The following WWC2 variants were observed in gnomAD, a reference collection of about 807,000 sequenced individuals.
WWC2 encodes protein WWC2.
WWC2 carries 101 observed loss-of-function variants against 138.5 expected under a neutral mutation model. The ratio of observed to expected loss-of-function variants is 0.73; its 90% CI spans 0.62 to 0.86. WWC2 has a LOEUF of 0.86. Ranked by LOEUF, WWC2 falls within the 40% of genes least tolerant of loss-of-function variation. The pLI is 0.00. For missense variants in WWC2, 1,420 were observed against 1,419.4 expected (o/e 1.00, Z -0.01); for synonymous variants, 558 against 538.4 (o/e 1.04, Z -0.50).
chr4:183,286,118 T>A (rs55829316), intron 20 of WWC2, 59 bp downstream of exon 20: 89,886 of 1,459,878 alleles, frequency 0.062, 3,030 homozygotes, highest in South Asian at 0.09. Flanking sequence ...TTGTCACTTG[T>A]GCAGCACAAA....
chr4:183,291,108 G>A (rs1406675509), intron 21 of WWC2, among the ~76,000 whole-genome samples: 1 of 152,204 alleles, frequency 6.6e-6, no homozygotes, highest in African/African-American at 2.4e-5. Flanking sequence ...CCACAGCAGT[G>A]AATACAGGAT....
chr4:183,211,787 G>A (rs1167239977), intron 4 of WWC2, among the ~76,000 whole-genome samples: 6 of 151,612 alleles, frequency 4.0e-5, no homozygotes, highest in South Asian at 2.1e-4. Flanking sequence ...GAAACAGTGC[G>A]ATGTTTGGAT....
chr4:183,244,106 G>A lies in WWC2; in HGVS notation c.603-1310G>A, dbSNP rs547927622. 3.3e-5 allele frequency among the ~76,000 whole-genome samples: 5 copies of A among 152,068 alleles called. No individual in the cohort carries two copies. The South Asian group carries it at 1.0e-3, about 32-fold the overall frequency. ...GAGCCTGTTTTCCCCGATTCAGTAG[G>A]TACTATTTCTCTGGAGACTCTGGAT... On this transcript the variant is annotated intron_variant, in intron 5 of 22. Coordinates refer to ENST00000403733, the MANE Select transcript of WWC2 (RefSeq NM_024949.6).
At position 183,099,429 on chromosome 4, in the gene WWC2, G is replaced by C. The variant is rs1425489199; in HGVS notation, c.-63G>C. On this transcript the variant is annotated 5_prime_UTR_variant, in exon 1 of 23. Coordinates refer to ENST00000403733, the MANE Select transcript of WWC2 (RefSeq NM_024949.6). ...GTTGGCAGCCTAGCCCGGCAGCCGC[G>C]TTCCCGCCGCGTCCCGCGCCCGGTA... 1.7e-6 allele frequency: 2 copies of C among 1,193,680 alleles called. No homozygotes were observed. The highest frequency in any genetic ancestry group is 2.1e-6 in the Non-Finnish European group (2 of 958,356). The allele number at this position is 1,193,680 out of a possible 1,614,324, so 73.9% of individuals were successfully genotyped here. A position where few individuals can be genotyped will look rare whatever the true frequency, so the allele number is the denominator to read the frequency against.
intron 14 of WWC2, 97 bp from the exon 15 acceptor site, chr4:183,268,874 C>G (rs965282921): frequency 1.6e-6 from 2 of 1,262,216 alleles, no homozygotes; most frequent in Admixed American, 2.1e-5. Flanking sequence ...CTCCACGATC[C>G]CTCATTTTCT....
intron 21 of WWC2, among the ~76,000 whole-genome samples, chr4:183,295,175 A>G (rs1463492038): frequency 1.3e-5 from 2 of 152,082 alleles, no homozygotes; most frequent in African/African-American, 2.4e-5. Context: ...TTCCTCTCGA[A>G]CTCCTATGCT....
Position 183,117,135 on chromosome 4 carries a change from G to A in WWC2, c.131+17513G>A, listed in dbSNP as rs144527621. On this transcript the variant is annotated intron_variant, in intron 1 of 22. Transcript: ENST00000403733. ...ACTTCTGCATATCCCCTCCCTTTTC[G>A]AGACAAGTTGAACTGATCATGAAGG... Among the ~76,000 whole-genome samples the A allele has an allele frequency of 4.3e-4, 65 of 151,098 alleles. 1 individual carries two copies. The Middle Eastern group carries it at 0.017, about 41-fold the overall frequency.
chr4:183,275,058 A>T (rs1737805996), intron 16 of WWC2, among the ~76,000 whole-genome samples: 1 of 152,104 alleles, frequency 6.6e-6, no homozygotes, highest in African/African-American at 2.4e-5. Flanking sequence ...CCTGTTGAAT[A>T]ACCTTTCCCT....
intron 4 of WWC2, among the ~76,000 whole-genome samples, chr4:183,211,967 A>G (rs879363719): frequency 7.2e-5 from 11 of 151,858 alleles, no homozygotes; most frequent in Admixed American, 6.6e-4. Flanking sequence ...GACTACAGGC[A>G]CCTGCCACCA....
intron 4 of WWC2, among the ~76,000 whole-genome samples, chr4:183,228,005 T>C (rs1004049895): frequency 6.6e-6 from 1 of 151,908 alleles, no homozygotes; most frequent in Admixed American, 6.6e-5. Flanking sequence ...GATTAAATGC[T>C]CTAGTTAAAA....
chr4:183,111,643 C>T (rs1732234785), intron 1 of WWC2, among the ~76,000 whole-genome samples: 1 of 151,268 alleles, frequency 6.6e-6, no homozygotes, highest in African/African-American at 2.4e-5. Context: ...CTTTTCTTAT[C>T]TGCTGCTTAT....
At chr4:183,104,998 C>A (rs1231039368) in intron 1 of WWC2, among the ~76,000 whole-genome samples, 3 of 152,154 alleles carry the variant, frequency 2.0e-5, no homozygotes, top group Non-Finnish European at 4.4e-5. Context: ...CCTGTGCCTC[C>A]TGAGTTCAAG....
chr4:183,298,469 G>C (rs575386186), intron 21 of WWC2, among the ~76,000 whole-genome samples: 1 of 152,272 alleles, frequency 6.6e-6, no homozygotes, highest in South Asian at 2.1e-4. Flanking sequence ...ATAACAGCAA[G>C]GCCAGGAGAC....
intron 16 of WWC2, among the ~76,000 whole-genome samples, chr4:183,272,252 G>A (rs1737715895): frequency 6.6e-6 from 1 of 152,134 alleles, no homozygotes; most frequent in Admixed American, 6.5e-5. Flanking sequence ...GTAGTGGGTG[G>A]TGAAAGGGAA....
intron 7 of WWC2, among the ~76,000 whole-genome samples, chr4:183,249,631 AC>A (rs1407792192): frequency 6.6e-6 from 1 of 152,230 alleles, no homozygotes; most frequent in African/African-American, 2.4e-5. Context: ...ACTCTGAGAT[AC>A]CAGACACATT....
At chr4:183,242,064 G>T (rs1736640605) in intron 5 of WWC2, among the ~76,000 whole-genome samples, 1 of 152,096 alleles carries the variant, frequency 6.6e-6, no homozygotes, top group Admixed American at 6.6e-5. Context: ...CATTCTCTTG[G>T]AATGATTCTA....
rs1224060602 is a variant in WWC2 at position 183,207,939 on chromosome 4, C to G, written c.242-14C>G. 1 of 1,597,578 alleles carries G rather than the reference C, an allele frequency of 6.3e-7. No individual in the cohort carries two copies. Among genetic ancestry groups the G allele is most frequent in the African/African-American group, 1.3e-5 (1 of 74,236 alleles). On this transcript the variant is annotated splice_polypyrimidine_tract_variant and intron_variant, in intron 2 of 22. Coordinates refer to ENST00000403733, the MANE Select transcript of WWC2 (RefSeq NM_024949.6). ...GTTAAATTCTAAAAAGTACCCTCCA[C>G]CTAATGTTTTCAGAAACCACGCAGA...
chr4:183,286,404 G>A (rs1393944980), intron 20 of WWC2, among the ~76,000 whole-genome samples: 1 of 152,138 alleles, frequency 6.6e-6, no homozygotes, highest in African/African-American at 2.4e-5. Flanking sequence ...TTGAGCGATT[G>A]TGGGAAGGGG....
intron 1 of WWC2, among the ~76,000 whole-genome samples, chr4:183,132,781 A>G (rs1209098850): frequency 6.6e-6 from 1 of 151,674 alleles, no homozygotes; most frequent in East Asian, 1.9e-4. Flanking sequence ...AGGTAATCAA[A>G]TGATTTTTTT....
Sources: gnomAD v4.1 joint callset for allele counts (sites outside exome capture counted in the v4.1 genomes callset) on GRCh38, gnomAD v4.1.1 for gene constraint, MANE v1.5 for transcripts, NCBI Gene and HGNC (gene_info 2026-07-23, HGNC 2026-07-21) for gene names.